PDE4D: variants seen among roughly 807,000 people sequenced by gnomAD.
PDE4D encodes 3',5'-cyclic-AMP phosphodiesterase 4D.
A neutral mutation model predicts 87.4 loss-of-function variants in PDE4D; 24 were observed. The ratio of observed to expected loss-of-function variants is 0.27; its 90% confidence interval spans 0.20 to 0.39. PDE4D has a LOEUF of 0.39. Among genes scored for constraint, PDE4D ranks in the 10% least tolerant of loss-of-function variants. PDE4D has a pLI of 1.00. For missense variants in PDE4D, 714 were observed against 1,041.0 expected, an observed-to-expected ratio of 0.69 and a Z score of 4.32; for synonymous variants, 384 against 383.2, an observed-to-expected ratio of 1.00 and a Z score of -0.02.
At chr5:60,398,568 C>T (rs1349601498) in intron 1 of PDE4D, among the ~76,000 whole-genome samples, 1 of 152,122 alleles carries the variant, frequency 6.6e-6, no homozygotes, top group African/African-American at 2.4e-5. Context: ...TCCCTCAGTC[C>T]ACCACACTTA....
rs140873925 is a variant in PDE4D, at chr5:59,350,968, A to G, written c.456-135000T>C. Among the ~76,000 whole-genome samples, 786 of 152,312 alleles carry G rather than the reference A, an allele frequency of 5.2e-3. 6 individuals carry two copies. The highest frequency in any genetic ancestry group is 0.018 in the African/African-American group (759 of 41,572). The stretch of plus-strand genomic sequence containing the variant: ...CAAGTTGCTTATAAGGTAACCATTT[A>G]TAAGCCAGCTCTATTGTACTATTCT... On this transcript the variant is annotated intron_variant, in intron 1 of 14. Coordinates refer to ENST00000340635, the MANE Select transcript of PDE4D (RefSeq NM_001104631.2).
intron 1 of PDE4D, among the ~76,000 whole-genome samples, chr5:60,271,881 G>T (rs1750852875): frequency 1.3e-5 from 2 of 152,202 alleles, no homozygotes; most frequent in Admixed American, 6.5e-5. Context: ...TAGAGACCAT[G>T]ATCTATTCCC....
chr5:59,284,516 C>T (rs958830221), intron 1 of PDE4D, among the ~76,000 whole-genome samples: 10 of 151,790 alleles, frequency 6.6e-5, no homozygotes, highest in Middle Eastern at 6.8e-3. Context: ...TATGAGATAT[C>T]ATCTCACACC....
At chr5:59,411,203 T>C (rs555145076) in intron 1 of PDE4D, among the ~76,000 whole-genome samples, 17 of 152,324 alleles carry the variant, frequency 1.1e-4, no homozygotes, top group Middle Eastern at 3.4e-3. Context: ...AATGGTTTGC[T>C]GGTTTTGCCC....
chr5:60,040,837 T>G (rs1768394463), intron 2 of PDE4D, among the ~76,000 whole-genome samples: 1 of 152,196 alleles, frequency 6.6e-6, no homozygotes, highest in Admixed American at 6.5e-5. Context: ...ACTGAAAAAC[T>G]CAATGAGGTA....
chr5:59,632,986 T>G (rs962472420), intron 1 of PDE4D, among the ~76,000 whole-genome samples: 1 of 152,068 alleles, frequency 6.6e-6, no homozygotes, highest in African/African-American at 2.4e-5. Flanking sequence ...CTAAGAACAT[T>G]GATAAAAGGT....
At chr5:59,646,405 C>T (rs762372522) in intron 1 of PDE4D, among the ~76,000 whole-genome samples, 1 of 152,154 alleles carries the variant, frequency 6.6e-6, no homozygotes, top group African/African-American at 2.4e-5. Context: ...GGGACTGATT[C>T]TGTTGGATAC....
chr5:59,083,846 T>C (rs1767207112), intron 5 of PDE4D, among the ~76,000 whole-genome samples: 1 of 152,098 alleles, frequency 6.6e-6, no homozygotes, highest in African/African-American at 2.4e-5. Context: ...TGTCTGGTGA[T>C]CCTTTCTTGA....
chr5:59,394,158 T>C (rs978192141), intron 1 of PDE4D, among the ~76,000 whole-genome samples: 3 of 152,212 alleles, frequency 2.0e-5, no homozygotes, highest in Admixed American at 6.5e-5. Flanking sequence ...CTGCTATCTA[T>C]ATTGGCAGAT....
intron 1 of PDE4D, among the ~76,000 whole-genome samples, chr5:59,596,160 T>C (rs1171102190): frequency 1.3e-5 from 2 of 151,612 alleles, no homozygotes. Context: ...TACACATCAT[T>C]GGCAGTTAAC....
intron 1 of PDE4D, among the ~76,000 whole-genome samples, chr5:59,837,035 T>C (rs1179969920): frequency 3.3e-5 from 5 of 152,004 alleles, no homozygotes; most frequent in African/African-American, 1.2e-4. Flanking sequence ...CATGTTACAC[T>C]TCACTTCCCC....
intron 1 of PDE4D, among the ~76,000 whole-genome samples, chr5:59,562,648 C>T (rs1006580311): frequency 1.3e-5 from 2 of 152,190 alleles, no homozygotes; most frequent in African/African-American, 4.8e-5. Context: ...AATATGTTCA[C>T]TTTAAAGTAC....
At chr5:59,935,292 T>C (rs1756443505) in intron 3 of PDE4D, among the ~76,000 whole-genome samples, 1 of 152,018 alleles carries the variant, frequency 6.6e-6, no homozygotes, top group Non-Finnish European at 1.5e-5. Flanking sequence ...GATTTGGGCA[T>C]GACTTAGGGG....
chr5:59,289,719 T>G (rs927972477), intron 1 of PDE4D, among the ~76,000 whole-genome samples: 1 of 151,664 alleles, frequency 6.6e-6, no homozygotes, highest in Admixed American at 6.6e-5. Context: ...GAAAGAAATT[T>G]GAAAGGAAGA....
chr5:60,061,437 C>A (rs1771391483), intron 2 of PDE4D, among the ~76,000 whole-genome samples: 1 of 152,070 alleles, frequency 6.6e-6, no homozygotes, highest in Non-Finnish European at 1.5e-5. Flanking sequence ...AGAGAGGACA[C>A]AAACAAATGG....
upstream of PDE4D, among the ~76,000 whole-genome samples, chr5:59,897,700 CT>C (rs1330535720): frequency 1.3e-5 from 2 of 151,780 alleles, no homozygotes; most frequent in Non-Finnish European, 2.9e-5. Context: ...TTAAAGGAGA[CT>C]TTCACTTTGC....
chr5:59,774,082 G>A (rs1254234569), intron 1 of PDE4D, among the ~76,000 whole-genome samples: 5 of 152,142 alleles, frequency 3.3e-5, no homozygotes, highest in Non-Finnish European at 7.4e-5. Flanking sequence ...GGAGAGATAG[G>A]TAGTTTAGGG....
intron 1 of PDE4D, among the ~76,000 whole-genome samples, chr5:60,392,907 A>C (rs1185303832): frequency 6.6e-6 from 1 of 152,256 alleles, no homozygotes; most frequent in African/African-American, 2.4e-5. Flanking sequence ...GGAAGATTGT[A>C]AACTTCTTAT....
intron 1 of PDE4D, among the ~76,000 whole-genome samples, chr5:60,446,047 C>T (rs1396290935): frequency 6.6e-6 from 1 of 152,058 alleles, no homozygotes; most frequent in Non-Finnish European, 1.5e-5. Context: ...AAGGATAAAA[C>T]TACCCAACCT....
Sources: gnomAD v4.1 joint callset for allele counts (sites outside exome capture counted in the v4.1 genomes callset) on GRCh38, gnomAD v4.1.1 for gene constraint, MANE v1.5 for transcripts, NCBI Gene and HGNC (gene_info 2026-07-23, HGNC 2026-07-21) for gene names.